ARMC2: variants seen among roughly 807,000 people sequenced by gnomAD.
ARMC2 encodes armadillo repeat-containing protein 2.
A neutral mutation model predicts 90.3 loss-of-function variants in ARMC2; 67 were observed. The observed-to-expected ratio is 0.74, with a 90% CI of 0.61 to 0.91. ARMC2 has a LOEUF of 0.91. Ranked by LOEUF, ARMC2 falls within the 40% of genes least tolerant of loss-of-function variation. The pLI, the probability that ARMC2 is intolerant of heterozygous loss-of-function variation, is 0.00. For synonymous variants in ARMC2, 393 were observed against 393.0 expected (o/e 1.00, Z 0.00); for missense variants, 920 against 1,030.9 (o/e 0.89, Z 1.47).
intron 8 of ARMC2, among the ~76,000 whole-genome samples, chr6:108,905,498 T>A (rs952999755): frequency 1.3e-5 from 2 of 151,188 alleles, no homozygotes; most frequent in Non-Finnish European, 2.9e-5. Flanking sequence ...TCCTAGACAT[T>A]TTGTTCCATA....
Position 108,904,273 on chromosome 6 carries a change from T to A in ARMC2, c.891T>A (p.His297Gln). 1 of 1,613,908 alleles carries A rather than the reference T, an allele frequency of 6.2e-7. No homozygotes were observed. Among genetic ancestry groups the A allele is most frequent in the Non-Finnish European group, 8.5e-7 (1 of 1,179,844 alleles). ...TTTGTGCTGCTTGCACACAACTTCA[T>A]CATGCTTTAGAGGAAGGAAACATGC... ...ETVCAACTQL[H>Q]HALEEGNMLG... Residue 297 changes from histidine to glutamine, a missense_variant, in exon 8 of 18, where the codon CAT becomes CAA. By Grantham distance (24) the His-to-Gln change is conservative. Transcript: ENST00000392644.
At chr6:108,885,767 C>T (rs892053203) in intron 5 of ARMC2, among the ~76,000 whole-genome samples, 6 of 152,172 alleles carry the variant, frequency 3.9e-5, no homozygotes, top group Non-Finnish European at 8.8e-5. Flanking sequence ...GCTGAGGGGA[C>T]CCTCCCTCCA....
At chr6:108,977,571 T>C (rs1388947416), downstream of ARMC2, among the ~76,000 whole-genome samples, 1 of 152,218 alleles carries the variant, frequency 6.6e-6, no homozygotes, top group Admixed American at 6.5e-5. Context: ...TCAGAAGGAA[T>C]GGTACCAGCT....
chr6:108,934,375 A>G (rs1775802623), intron 11 of ARMC2, among the ~76,000 whole-genome samples: 1 of 152,238 alleles, frequency 6.6e-6, no homozygotes, highest in Admixed American at 6.5e-5. Flanking sequence ...AAGTTAAGCC[A>G]TTATATATTG....
At chr6:108,932,591 C>T (rs1273972782) in intron 11 of ARMC2, among the ~76,000 whole-genome samples, 8 of 130,704 alleles carry the variant, frequency 6.1e-5, no homozygotes, top group Admixed American at 9.1e-5. Flanking sequence ...GGCAGTGGCG[C>T]GGTCTCGGCT....
intron 12 of ARMC2, among the ~76,000 whole-genome samples, chr6:108,944,341 T>C (rs1354332325): frequency 6.6e-6 from 1 of 152,228 alleles, no homozygotes; most frequent in Admixed American, 6.5e-5. Flanking sequence ...GAACACAGGA[T>C]GGTACATTAG....
chr6:109,003,963 G>C, the ARMC2 span, among the ~76,000 whole-genome samples: 1 of 152,122 alleles, frequency 6.6e-6, no homozygotes, highest in African/African-American at 2.4e-5. Context: ...GAAAATGCCT[G>C]TTTCAAGGGT....
chr6:108,939,280 G>A (rs1026779362), intron 12 of ARMC2, among the ~76,000 whole-genome samples: 2 of 152,132 alleles, frequency 1.3e-5, no homozygotes, highest in Admixed American at 6.5e-5. Flanking sequence ...TATTGATGTG[G>A]TTTGGATTTC....
At chr6:108,895,289 C>T (rs1771484910) in intron 6 of ARMC2, among the ~76,000 whole-genome samples, 1 of 149,408 alleles carries the variant, frequency 6.7e-6, no homozygotes, top group Non-Finnish European at 1.5e-5. Flanking sequence ...ATCATGAAAC[C>T]CCATCTCTAC....
chr6:108,926,126 G>A (rs1305724924), intron 10 of ARMC2, among the ~76,000 whole-genome samples: 1 of 152,170 alleles, frequency 6.6e-6, no homozygotes, highest in Non-Finnish European at 1.5e-5. Flanking sequence ...AGATGACTAT[G>A]GATTGGGATG....
intron 12 of ARMC2, among the ~76,000 whole-genome samples, chr6:108,952,748 G>A (rs1263909205): frequency 6.6e-6 from 1 of 152,160 alleles, no homozygotes; most frequent in Non-Finnish European, 1.5e-5. Context: ...GTTCTCTGAA[G>A]GAGATAAAGA....
chr6:108,921,344 A>C (rs1774546732), intron 10 of ARMC2, among the ~76,000 whole-genome samples: 1 of 152,240 alleles, frequency 6.6e-6, no homozygotes, highest in Admixed American at 6.5e-5. Context: ...AAAGTAGGAC[A>C]TTGGAGGTTT....
chr6:108,890,770 TA>T (rs1397083965), intron 5 of ARMC2, among the ~76,000 whole-genome samples: 2 of 152,198 alleles, frequency 1.3e-5, no homozygotes, highest in African/African-American at 2.4e-5. Flanking sequence ...GTTACTTTTT[TA>T]AAATTATATT....
the ARMC2 span, among the ~76,000 whole-genome samples, chr6:109,023,366 T>C: frequency 6.6e-6 from 1 of 152,260 alleles, no homozygotes. Context: ...TTGTAAATGT[T>C]ATCATGCTGA....
chr6:109,043,972 G>A, the ARMC2 span, among the ~76,000 whole-genome samples: 1 of 152,212 alleles, frequency 6.6e-6, no homozygotes, highest in African/African-American at 2.4e-5. Context: ...CAATGGAACA[G>A]AATAGAGAGC....
intron 6 of ARMC2, among the ~76,000 whole-genome samples, chr6:108,896,743 T>A (rs1771647047): frequency 1.3e-5 from 2 of 152,204 alleles, no homozygotes; most frequent in South Asian, 4.1e-4. Flanking sequence ...TCCATTTTAT[T>A]TGTCCTGAAA....
At chr6:108,882,289 A>G (rs868715476) in intron 5 of ARMC2, among the ~76,000 whole-genome samples, 2 of 151,994 alleles carry the variant, frequency 1.3e-5, no homozygotes, top group African/African-American at 2.4e-5. Flanking sequence ...ACAAAAAAAA[A>G]TTAGCTGGGC....
intron 5 of ARMC2, among the ~76,000 whole-genome samples, chr6:108,879,197 C>T (rs1255541453): frequency 6.6e-6 from 1 of 150,450 alleles, no homozygotes; most frequent in East Asian, 2.0e-4. Context: ...TCCACCTATC[C>T]ATCTGTCTAC....
At chr6:108,981,325 G>A in the ARMC2 span, among the ~76,000 whole-genome samples, 2 of 151,768 alleles carry the variant, frequency 1.3e-5, no homozygotes, top group East Asian at 1.9e-4. Context: ...AACAAAACCT[G>A]TGATTAAAAA....
Sources: allele counts gnomAD v4.1 joint callset (sites outside exome capture counted in the v4.1 genomes callset), GRCh38; gene constraint gnomAD v4.1.1; transcripts MANE v1.5; gene names NCBI Gene and HGNC (gene_info 2026-07-23, HGNC 2026-07-21).